The following PFKP variants were observed in gnomAD, a reference collection of about 807,000 sequenced individuals.
PFKP encodes the protein phosphofructokinase, platelet.
PFKP carries 101 observed loss-of-function variants against 94.3 expected under a neutral mutation model. That is an observed-to-expected ratio of 1.07 (90% confidence interval 0.91 to 1.26). The LOEUF (loss-of-function observed/expected upper bound fraction) is 1.26. PFKP is among the 50% of genes most tolerant of loss of function. PFKP has a pLI of 0.00. For missense variants in PFKP, 1,145 were observed against 1,103.3 expected, an observed-to-expected ratio of 1.04 and a Z score of -0.53; for synonymous variants, 573 against 432.6, an observed-to-expected ratio of 1.32 and a Z score of -4.03.
At chr10:3,108,202 C>T (rs896099442) in intron 8 of PFKP, among the ~76,000 whole-genome samples, 1 of 152,186 alleles carries the variant, frequency 6.6e-6, no homozygotes, top group African/African-American at 2.4e-5. Flanking sequence ...ACTGTCCTTA[C>T]AGAGGAATAA....
At chr10:3,135,698 G>A in intron 20 of PFKP, 38 bp from the exon 21 acceptor site, 1 of 1,283,824 alleles carries the variant, frequency 7.8e-7, no homozygotes, top group South Asian at 1.2e-5. Context: ...TGCCCATGTT[G>A]ACAGGGTGTT....
At chr10:3,093,638 C>CTTTTTTTTTTTTTTTTTTTTTT (rs765547765) in intron 2 of PFKP, among the ~76,000 whole-genome samples, 9 of 94,056 alleles carry the variant, frequency 9.6e-5, no homozygotes, top group African/African-American at 3.8e-4. Flanking sequence ...CAAGCATTAT[C>CTTTTTTTTTTTTTTTTTTTTTT]TTTTTTTTTT....
At chr10:3,120,905 C>G (rs1837337169) in intron 16 of PFKP, among the ~76,000 whole-genome samples, 1 of 152,070 alleles carries the variant, frequency 6.6e-6, no homozygotes, top group South Asian at 2.1e-4. Context: ...GTACCTAACA[C>G]AGAAAGCATT....
intron 2 of PFKP, among the ~76,000 whole-genome samples, chr10:3,097,571 C>T (rs1834591861): frequency 6.6e-6 from 1 of 152,114 alleles, no homozygotes; most frequent in Non-Finnish European, 1.5e-5. Context: ...GCCTGTGAGC[C>T]AGGGCCTGGG....
At chr10:3,124,511 G>A (rs1293795948) in intron 16 of PFKP, among the ~76,000 whole-genome samples, 3 of 152,228 alleles carry the variant, frequency 2.0e-5, no homozygotes, top group South Asian at 2.1e-4. Flanking sequence ...GCGGCTTGCC[G>A]AGGGCAGAAA....
chr10:3,103,365 C>T (rs181807647), intron 4 of PFKP, among the ~76,000 whole-genome samples: 5 of 152,264 alleles, frequency 3.3e-5, no homozygotes, highest in East Asian at 3.9e-4. Context: ...AATAAAGAAT[C>T]GGCCAGGGCA....
rs370356940 is a variant in PFKP at position 3,083,436 on chromosome 10, A to C, written c.186+975A>C. On this transcript the variant is annotated intron_variant, in intron 2 of 21. Transcript: ENST00000381125. ...AAAACATAGCTTTAAAAATGAGAAG[A>C]AGGTATTTTTGTAAATCACTTAATG... Among the ~76,000 whole-genome samples the C allele has an allele frequency of 2.0e-5, 3 of 152,320 alleles. No individual in the cohort carries two copies. The East Asian group carries it at 5.8e-4, about 29-fold the overall frequency.
chr10:3,088,087 C>T (rs1462979509), intron 2 of PFKP, among the ~76,000 whole-genome samples: 1 of 141,212 alleles, frequency 7.1e-6, no homozygotes, highest in Non-Finnish European at 1.5e-5. Context: ...TGTTGGTTTG[C>T]TGCACCCATT....
Position 3,093,638 on chromosome 10 carries a change from C to CTTTTTTTTTTTTTT in PFKP, c.187-5627_187-5614dup, listed in dbSNP as rs765547765. On this transcript the variant is annotated intron_variant, in intron 2 of 21. Coordinates refer to ENST00000381125, the MANE Select transcript of PFKP (RefSeq NM_002627.5). ...CGATAACCACAGGAACAAGCATTATCTTTTTTTTTTTTTTTTTTTTTTTGA... is the reference window on the plus strand; with the variant it reads ...CGATAACCACAGGAACAAGCATTATCTTTTTTTTTTTTTTTTTTTTTTTTTTTTTTTTTTTTTGA... Among the ~76,000 whole-genome samples, 9 of 94,056 alleles carry CTTTTTTTTTTTTTT rather than the reference C, an allele frequency of 9.6e-5. 1 individual carries two copies. The highest frequency in any genetic ancestry group is 3.8e-4 in the African/African-American group (8 of 21,230). The allele number at this position is 94,056 out of a possible 152,430, so 61.7% of individuals were successfully genotyped here. A position where few individuals can be genotyped will look rare whatever the true frequency, so the allele number is the denominator to read the frequency against.
intron 2 of PFKP, among the ~76,000 whole-genome samples, chr10:3,095,236 C>G (rs2388593): frequency 0.72 from 109,843 of 151,560 alleles, 40,464 homozygotes; most frequent in East Asian, 0.89. Flanking sequence ...AGAAAGCCAC[C>G]CATAGGTGAA....
At chr10:3,117,047 A>G (rs953229891) in intron 14 of PFKP, among the ~76,000 whole-genome samples, 2 of 152,172 alleles carry the variant, frequency 1.3e-5, no homozygotes, top group Non-Finnish European at 2.9e-5. Flanking sequence ...AGGGCGTAAG[A>G]GAGAAGAGGA....
At chr10:3,122,796 G>A (rs1473701506) in intron 16 of PFKP, among the ~76,000 whole-genome samples, 2 of 152,196 alleles carry the variant, frequency 1.3e-5, no homozygotes, top group Non-Finnish European at 2.9e-5. Context: ...TGGGGGCAGG[G>A]GTGGTGATTT....
chr10:3,119,461 C>G (rs1441869391), intron 15 of PFKP, among the ~76,000 whole-genome samples: 1 of 152,086 alleles, frequency 6.6e-6, no homozygotes, highest in Non-Finnish European at 1.5e-5. Flanking sequence ...AAAAATTAGC[C>G]GGGTGTGGTG....
At position 3,067,698 on chromosome 10, in the gene PFKP, G is replaced by A. The variant is rs1311419986; in HGVS notation, c.103G>A (p.Asp35Asn). The part of the protein sequence containing the change: ...KAIGVLTSGG[D>N]AQGMNAAVRA... ...CATCGGCGTGCTGACCAGCGGCGGG[G>A]ATGCTCAAGGTGCGCGCCCCCCTCC... Residue 35 changes from aspartate (D) to asparagine (N), a missense_variant, in exon 1 of 22, where the codon GAT (aspartate) becomes AAT (asparagine). Physicochemically the swap from Asp to Asn is conservative, Grantham distance 23. Around this residue, in one of 3 missense-constraint regions of PFKP, gnomAD observed 1,119 missense variants for 1,062.8 expected, o/e 1.05. Transcript: ENST00000381125. The A allele has an allele frequency of 6.7e-7, 1 of 1,498,504 alleles. No individual in the cohort carries two copies. Among genetic ancestry groups the A allele is most frequent in the Non-Finnish European group, 8.9e-7 (1 of 1,120,746 alleles). 92.8% of individuals were successfully genotyped at this position (1,498,504 alleles called of 1,614,324 possible).
At chr10:3,073,487 C>T (rs1002383796) in intron 1 of PFKP, among the ~76,000 whole-genome samples, 1 of 151,748 alleles carries the variant, frequency 6.6e-6, no homozygotes, top group African/African-American at 2.4e-5. Flanking sequence ...CTCCGACTCT[C>T]ACGGGGAGGG....
rs200270276 is a variant in PFKP, at chr10:3,118,890, T to C, written c.1530+21T>C. 612 of 1,593,712 alleles carry C rather than the reference T, an allele frequency of 3.8e-4. 1 individual carries two copies. The highest frequency in any genetic ancestry group is 5.0e-4 in the Non-Finnish European group (580 of 1,162,454). Reference sequence around the variant, plus strand: ...TCGAGGTACGTTACCGTTTCTCTCTTGCCGGTCTTGCAGGTGTGAGCCGCG... The same window carrying C: ...TCGAGGTACGTTACCGTTTCTCTCTCGCCGGTCTTGCAGGTGTGAGCCGCG... On this transcript the variant is annotated intron_variant, in intron 15 of 21. Transcript: ENST00000381125.
intron 15 of PFKP, 97 bp downstream of exon 15, chr10:3,118,966 G>C (rs952400696): frequency 2.4e-6 from 2 of 842,460 alleles, no homozygotes; most frequent in Admixed American, 2.3e-5. Context: ...GCCACGATCC[G>C]AGATGATAGG....
chr10:3,118,588 C>T lies in PFKP; in HGVS notation c.1443-194C>T, dbSNP rs112307093. ...TTTATTCCATTTTCTCATGAAAACA[C>T]TGTTTTGAGATGAGATTCCTGGTCA... On this transcript the variant is annotated intron_variant, in intron 14 of 21. Coordinates refer to ENST00000381125, the MANE Select transcript of PFKP (RefSeq NM_002627.5). 6.2e-3 allele frequency among the ~76,000 whole-genome samples: 951 copies of T among 152,322 alleles called. 3 individuals are homozygous for T. The highest frequency in any genetic ancestry group is 0.021 in the African/African-American group (890 of 41,578).
At chr10:3,083,290 C>T (rs1343761446) in intron 2 of PFKP, among the ~76,000 whole-genome samples, 1 of 152,202 alleles carries the variant, frequency 6.6e-6, no homozygotes, top group Non-Finnish European at 1.5e-5. Flanking sequence ...CCCTGTCTGC[C>T]ACTTTTGAAG....
Sources: gnomAD v4.1 joint callset for allele counts (sites outside exome capture counted in the v4.1 genomes callset) on GRCh38, gnomAD v4.1.1 for gene constraint, gnomAD v4.1.1 regional missense constraint, MANE v1.5 for transcripts, NCBI Gene and HGNC (gene_info 2026-07-23, HGNC 2026-07-21) for gene names.